Variants in AHI1 observed in about 807,000 individuals in gnomAD.
The protein encoded by AHI1 is jouberin.
Under a neutral mutation model 149.3 loss-of-function variants are expected in AHI1, and 123 were observed. The observed-to-expected ratio is 0.82, with a 90% confidence interval of 0.71 to 0.96. The LOEUF is 0.96. Ranked by LOEUF, AHI1 falls within the 40% of genes least tolerant of loss-of-function variation. AHI1 has a pLI of 0.00. For missense variants in AHI1, 1,439 were observed against 1,422.7 expected (o/e 1.01, Z -0.18); for synonymous variants, 475 against 459.8 (o/e 1.03, Z -0.42).
chr6:135,431,152 T>A (rs571236957), intron 17 of AHI1, 56 bp downstream of exon 17: 2 of 1,195,022 alleles, frequency 1.7e-6, no homozygotes, highest in Non-Finnish European at 2.4e-6. Flanking sequence ...AGTCATGTGA[T>A]TGGATTTTTC....
chr6:135,493,583 G>A (rs1795552483), intron 3 of AHI1, among the ~76,000 whole-genome samples: 1 of 152,110 alleles, frequency 6.6e-6, no homozygotes, highest in Admixed American at 6.5e-5. Context: ...TATTAAATTA[G>A]AAAAGAGAAG....
chr6:135,379,036 C>T (rs78548943), intron 23 of AHI1, among the ~76,000 whole-genome samples: 1 of 152,266 alleles, frequency 6.6e-6, no homozygotes, highest in African/African-American at 2.4e-5. Context: ...ACACTCTAAG[C>T]CTATATTCCA....
intron 15 of AHI1, among the ~76,000 whole-genome samples, chr6:135,436,749 A>G (rs930573474): frequency 5.9e-5 from 9 of 152,078 alleles, no homozygotes; most frequent in Non-Finnish European, 8.8e-5. Flanking sequence ...CTACAGATGC[A>G]GACCACCACA....
intron 3 of AHI1, among the ~76,000 whole-genome samples, chr6:135,493,435 A>G (rs1406676288): frequency 6.6e-6 from 1 of 152,236 alleles, no homozygotes; most frequent in African/African-American, 2.4e-5. Flanking sequence ...CTTAGGCAAC[A>G]ACTACGTGGC....
chr6:135,285,671 G>C (rs756467270), intron 28 of AHI1, 24 bp from the exon 29 acceptor site: 1 of 1,587,848 alleles, frequency 6.3e-7, no homozygotes, highest in Non-Finnish European at 8.6e-7. Flanking sequence ...TACACAAAAT[G>C]TACTAAATAA....
chr6:135,380,355 G>A (rs1433618867), intron 23 of AHI1, among the ~76,000 whole-genome samples: 1 of 152,016 alleles, frequency 6.6e-6, no homozygotes, highest in Non-Finnish European at 1.5e-5. Flanking sequence ...CATTTACATT[G>A]TATTAGGTAT....
intron 23 of AHI1, among the ~76,000 whole-genome samples, chr6:135,372,744 A>G (rs1414737222): frequency 6.6e-6 from 1 of 152,198 alleles, no homozygotes; most frequent in Non-Finnish European, 1.5e-5. Flanking sequence ...GGAAGGAAAC[A>G]GTGGCTTTCA....
chr6:135,357,106 C>G (rs1342171960), intron 24 of AHI1, among the ~76,000 whole-genome samples: 1 of 151,488 alleles, frequency 6.6e-6, no homozygotes, highest in Non-Finnish European at 1.5e-5. Flanking sequence ...GCCCAGATAA[C>G]TTTTTGTATT....
Position 135,318,501 on chromosome 6 carries a change from A to G in AHI1, c.3426+18T>C. 6.7e-7 allele frequency: 1 copy of G among 1,483,678 alleles called. No homozygotes were observed. The highest frequency in any genetic ancestry group is 9.3e-7 in the Non-Finnish European group (1 of 1,079,776). 91.9% of individuals were successfully genotyped at this position (1,483,678 alleles called of 1,614,324 possible). A position where few individuals can be genotyped will look rare whatever the true frequency, so the allele number is the denominator to read the frequency against. ...AAATCAAAGTACATATGTAATACGT[A>G]TGCTCAAAAACATTTACCTTTTGAG... On this transcript the variant is annotated intron_variant, in intron 26 of 28. Transcript: ENST00000265602.
chr6:135,438,047 C>T (rs1785673408), intron 15 of AHI1, among the ~76,000 whole-genome samples: 2 of 152,048 alleles, frequency 1.3e-5, no homozygotes, highest in African/African-American at 4.8e-5. Flanking sequence ...GTATCCCTGC[C>T]ACCAAGAGCT....
At chr6:135,437,716 T>C (rs1360285702) in intron 15 of AHI1, among the ~76,000 whole-genome samples, 1 of 152,160 alleles carries the variant, frequency 6.6e-6, no homozygotes, top group Non-Finnish European at 1.5e-5. Flanking sequence ...TCTTACCTAA[T>C]AGCTGTAAGA....
Position 135,466,012 on chromosome 6 carries a change from T to G in AHI1, c.551A>C (p.Glu184Ala), listed in dbSNP as rs750693496. 1 of 1,613,964 alleles carries G rather than the reference T, an allele frequency of 6.2e-7. No individual in the cohort carries two copies. The highest frequency in any genetic ancestry group is 1.1e-5 in the South Asian group (1 of 91,076). The change falls in exon 7 of 29, where the codon GAG becomes GCG. Residue 184 changes from glutamate (E) to alanine (A), a missense_variant. Coordinates refer to ENST00000265602, the MANE Select transcript of AHI1 (RefSeq NM_001134831.2). ...ATATGCTTGCATCAATTCTTCATCC[T>G]CTTCTAAATCAGTCTCTTCTCTTCC... ...NEGREETDLEEDEELMQAYQC... is the reference protein window; with the variant it reads ...NEGREETDLEADEELMQAYQC...
intron 28 of AHI1, among the ~76,000 whole-genome samples, chr6:135,287,195 A>C (rs1781791479): frequency 6.6e-6 from 1 of 152,144 alleles, no homozygotes; most frequent in African/African-American, 2.4e-5. Context: ...CGTGCAGAAG[A>C]TGTAGGACAA....
intron 26 of AHI1, among the ~76,000 whole-genome samples, chr6:135,305,375 TG>T: frequency 6.6e-6 from 1 of 152,328 alleles, no homozygotes; most frequent in East Asian, 1.9e-4. Context: ...ATTCATAAAT[TG>T]TAATCAAAAC....
At chr6:135,470,987 A>G (rs1445624856) in intron 5 of AHI1, among the ~76,000 whole-genome samples, 1 of 152,180 alleles carries the variant, frequency 6.6e-6, no homozygotes, top group African/African-American at 2.4e-5. Flanking sequence ...TTTTATTCAT[A>G]CCTCAATAAC....
chr6:135,347,938 T>G (rs923741018), intron 24 of AHI1, among the ~76,000 whole-genome samples: 1 of 152,248 alleles, frequency 6.6e-6, no homozygotes, highest in African/African-American at 2.4e-5. Context: ...AAGTTTGATT[T>G]AAACTACAGA....
chr6:135,358,082 A>C (rs1489842675), intron 24 of AHI1, 50 bp downstream of exon 24: 2 of 1,547,330 alleles, frequency 1.3e-6, no homozygotes, highest in South Asian at 2.3e-5. Flanking sequence ...AACCAGTATA[A>C]TTTTGTACTT....
intron 11 of AHI1, among the ~76,000 whole-genome samples, chr6:135,453,052 T>C (rs188207226): frequency 8.3e-4 from 126 of 152,322 alleles, no homozygotes; most frequent in East Asian, 2.9e-3. Flanking sequence ...AGCTGGCACA[T>C]AGAAAAGTCT....
chr6:135,413,749 AT>A (rs1417605667), intron 20 of AHI1, among the ~76,000 whole-genome samples: 3 of 146,290 alleles, frequency 2.1e-5, no homozygotes, highest in Non-Finnish European at 4.6e-5. Flanking sequence ...AAAAAAAAAA[AT>A]GCCATTTACT....
Sources: allele counts gnomAD v4.1 joint callset (sites outside exome capture counted in the v4.1 genomes callset), GRCh38; gene constraint gnomAD v4.1.1; transcripts MANE v1.5; gene names NCBI Gene and HGNC (gene_info 2026-07-23, HGNC 2026-07-21).